Variants in PPP2R2B observed in about 807,000 individuals in gnomAD.
PPP2R2B encodes serine/threonine-protein phosphatase 2A 55 kDa regulatory subunit B beta isoform.
A neutral mutation model predicts 46.0 loss-of-function variants in PPP2R2B; 5 were observed. The ratio of observed to expected loss-of-function variants is 0.11; its 90% CI spans 0.06 to 0.23. PPP2R2B has a LOEUF of 0.23. Ranked by LOEUF, PPP2R2B falls within the 10% of genes least tolerant of loss-of-function variation. The pLI is 1.00. For missense variants in PPP2R2B, 367 were observed against 575.0 expected (o/e 0.64, Z 3.70); for synonymous variants, 215 against 206.7 (o/e 1.04, Z -0.34).
In PPP2R2B at chr5:147,011,073, C is replaced by CAT. The variant is rs1456602541; in HGVS notation, c.79+44591_79+44592insAT. Among the ~76,000 whole-genome samples the CAT allele has an allele frequency of 4.8e-3, 729 of 152,260 alleles. 4 individuals are homozygous for CAT. Among genetic ancestry groups the CAT allele is most frequent in the African/African-American group, 0.017 (691 of 41,564 alleles). On this transcript the variant is annotated intron_variant, in intron 1 of 8. Coordinates refer to the PPP2R2B transcript ENST00000336640. ...CCCTTCCTGTGACCTTTCTGGATGC[C>CAT]TTTCCGACTACTGCCCCTTCTTCAG...
At chr5:146,870,349 G>A (rs1199593149) in intron 2 of PPP2R2B, among the ~76,000 whole-genome samples, 1 of 152,062 alleles carries the variant, frequency 6.6e-6, no homozygotes, top group Non-Finnish European at 1.5e-5. Flanking sequence ...TAAGGATAAG[G>A]TCTTATGGGG....
At chr5:146,883,922 C>T (rs1762244322) in intron 1 of PPP2R2B, among the ~76,000 whole-genome samples, 1 of 152,086 alleles carries the variant, frequency 6.6e-6, no homozygotes, top group Non-Finnish European at 1.5e-5. Flanking sequence ...TGAAAATACA[C>T]AGTGGTACAC....
At chr5:147,044,511 T>C (rs188337166) in intron 1 of PPP2R2B, among the ~76,000 whole-genome samples, 1 of 152,306 alleles carries the variant, frequency 6.6e-6, no homozygotes, top group Non-Finnish European at 1.5e-5. Flanking sequence ...TCTTTCTTTT[T>C]TGTTTAAAAA....
chr5:146,735,486 T>C (rs1049445678), intron 2 of PPP2R2B, among the ~76,000 whole-genome samples: 5 of 151,928 alleles, frequency 3.3e-5, no homozygotes, highest in African/African-American at 1.2e-4. Context: ...TGAGAGCAAA[T>C]AGGAAGAGCT....
intron 2 of PPP2R2B, among the ~76,000 whole-genome samples, chr5:146,788,317 T>C (rs1755974306): frequency 6.6e-6 from 1 of 151,918 alleles, no homozygotes; most frequent in South Asian, 2.1e-4. Context: ...ATTTTTTTTT[T>C]CTTTAGCACA....
At chr5:146,729,908 C>T (rs1752124146) in intron 2 of PPP2R2B, among the ~76,000 whole-genome samples, 1 of 152,310 alleles carries the variant, frequency 6.6e-6, no homozygotes, top group East Asian at 1.9e-4. Context: ...GGGTTGGAGC[C>T]CCCACACAGA....
At chr5:146,793,152 A>T (rs1168290891) in intron 2 of PPP2R2B, among the ~76,000 whole-genome samples, 1 of 152,168 alleles carries the variant, frequency 6.6e-6, no homozygotes, top group African/African-American at 2.4e-5. Flanking sequence ...TTGCATGTGG[A>T]GTGTGAATAA....
At chr5:146,684,805 T>A (rs1273229079) in intron 5 of PPP2R2B, among the ~76,000 whole-genome samples, 1 of 152,192 alleles carries the variant, frequency 6.6e-6, no homozygotes. Context: ...TGCACCAGAA[T>A]CACCTGGGCA....
chr5:146,839,787 T>G (rs1554143559), intron 2 of PPP2R2B, among the ~76,000 whole-genome samples: 1 of 152,206 alleles, frequency 6.6e-6, no homozygotes, highest in Non-Finnish European at 1.5e-5. Context: ...CTTGGCTGTG[T>G]TTGGACAGCC....
At chr5:146,958,487 C>A (rs554710893) in intron 1 of PPP2R2B, among the ~76,000 whole-genome samples, 3 of 152,036 alleles carry the variant, frequency 2.0e-5, no homozygotes, top group Admixed American at 6.6e-5. Context: ...ACTTTATTAC[C>A]GTCACTACCA....
chr5:146,669,821 C>T (rs142081241), intron 5 of PPP2R2B, among the ~76,000 whole-genome samples: 33 of 152,320 alleles, frequency 2.2e-4, no homozygotes, highest in African/African-American at 6.7e-4. Context: ...ATCAGCAGAA[C>T]TAGGATTCAA....
chr5:146,848,139 G>GTTT (rs137984593), intron 2 of PPP2R2B, among the ~76,000 whole-genome samples: 2 of 116,888 alleles, frequency 1.7e-5, no homozygotes, highest in African/African-American at 5.8e-5. Flanking sequence ...TTATTCTTTA[G>GTTT]TTTTTTTTAT....
intron 2 of PPP2R2B, among the ~76,000 whole-genome samples, chr5:146,706,170 G>C (rs919781769): frequency 6.6e-6 from 1 of 152,106 alleles, no homozygotes; most frequent in Admixed American, 6.5e-5. Flanking sequence ...TGGGGCAGCC[G>C]TAGGAGGGGC....
chr5:147,064,810 G>A (rs1757371950), intron 2 of PPP2R2B, among the ~76,000 whole-genome samples: 1 of 152,124 alleles, frequency 6.6e-6, no homozygotes, highest in Non-Finnish European at 1.5e-5. Flanking sequence ...TCTATTCCAG[G>A]ATAAATCATT....
At chr5:147,011,078 C>T (rs958252026) in intron 1 of PPP2R2B, among the ~76,000 whole-genome samples, 8 of 152,148 alleles carry the variant, frequency 5.3e-5, no homozygotes, top group Non-Finnish European at 7.4e-5. Flanking sequence ...GATGCCTTTC[C>T]GACTACTGCC....
chr5:146,793,384 T>G (rs1252589223), intron 2 of PPP2R2B, among the ~76,000 whole-genome samples: 2 of 152,130 alleles, frequency 1.3e-5, no homozygotes, highest in Admixed American at 6.5e-5. Context: ...AAACATGAAT[T>G]TGGGAGTTGC....
At chr5:146,917,562 C>T (rs1464309985) in intron 1 of PPP2R2B, among the ~76,000 whole-genome samples, 1 of 152,192 alleles carries the variant, frequency 6.6e-6, no homozygotes, top group Non-Finnish European at 1.5e-5. Context: ...TGCCCAAGGG[C>T]ACACAATTAA....
At chr5:146,776,298 A>C (rs1755178244) in intron 2 of PPP2R2B, among the ~76,000 whole-genome samples, 1 of 152,124 alleles carries the variant, frequency 6.6e-6, no homozygotes, top group African/African-American at 2.4e-5. Flanking sequence ...CAGGGATAAC[A>C]ACGGTTTTAT....
intron 2 of PPP2R2B, among the ~76,000 whole-genome samples, chr5:146,839,958 C>T (rs921670891): frequency 1.3e-5 from 2 of 152,202 alleles, no homozygotes; most frequent in African/African-American, 4.8e-5. Flanking sequence ...GCCAGGAAGT[C>T]AAGTGTATCT....
Sources: allele counts gnomAD v4.1 joint callset (sites outside exome capture counted in the v4.1 genomes callset), GRCh38; gene constraint gnomAD v4.1.1; transcripts MANE v1.5; gene names NCBI Gene and HGNC (gene_info 2026-07-23, HGNC 2026-07-21).